GLYATL1: variants seen among roughly 807,000 people sequenced by gnomAD.
The protein encoded by GLYATL1 is glycine N-acyltransferase-like protein 1.
Under a neutral mutation model 20.0 loss-of-function variants are expected in GLYATL1, and 15 were observed. That is an observed-to-expected ratio of 0.75 (90% CI 0.50 to 1.15). The LOEUF (loss-of-function observed/expected upper bound fraction) is 1.15. GLYATL1 is among the 50% of genes most tolerant of loss of function. The pLI is 0.00. For synonymous variants in GLYATL1, 151 were observed against 131.5 expected, an observed-to-expected ratio of 1.15 and a Z score of -1.01; for missense variants, 380 against 368.5, an observed-to-expected ratio of 1.03 and a Z score of -0.26.
At chr11:58,940,393 A>C (rs1856053124) in intron 1 of GLYATL1, among the ~76,000 whole-genome samples, 2 of 152,226 alleles carry the variant, frequency 1.3e-5, no homozygotes, top group Admixed American at 1.3e-4. Flanking sequence ...CAATAGCTAG[A>C]GTTCCAAGGT....
intron 1 of GLYATL1, among the ~76,000 whole-genome samples, chr11:58,942,016 T>C: frequency 6.6e-6 from 1 of 152,242 alleles, no homozygotes. Context: ...TCATGAATGC[T>C]GACAGATAAC....
chr11:58,947,126 A>G lies in GLYATL1; in HGVS notation c.39A>G (p.Leu13=), dbSNP rs762622949. 1.2e-6 allele frequency: 2 copies of G among 1,613,816 alleles called. No homozygotes were observed. The highest frequency in any genetic ancestry group is 1.1e-5 in the South Asian group (1 of 91,082). The change falls in exon 3 of 7, where the codon CTA becomes CTG. Residue 13 remains leucine (L), a synonymous_variant. Transcript: ENST00000532726. The part of the protein sequence containing the change: ...LLNNSHKLLA[L]YKSLARSIPE... ...ATAACTCCCATAAGCTGCTGGCCCT[A>G]TACAAATCCTTGGCCAGGAGCATCC... is the stretch of plus-strand genomic sequence containing the variant.
chr11:58,917,772 G>C (rs1014210295), intron 1 of GLYATL1, among the ~76,000 whole-genome samples: 4 of 152,134 alleles, frequency 2.6e-5, no homozygotes, highest in African/African-American at 9.7e-5. Flanking sequence ...CATATCATGG[G>C]GGAAAGGAAA....
At chr11:58,934,424 TA>T (rs1160476613) in intron 1 of GLYATL1, 1 of 152,094 alleles carries the variant, frequency 6.6e-6, no homozygotes, top group East Asian at 1.9e-4. Context: ...GGGGCCAGTC[TA>T]AAGTTTGAGA....
At position 58,955,822 on chromosome 11, in the gene GLYATL1, T is replaced by C. The variant is rs1273516088; in HGVS notation, c.704T>C (p.Met235Thr). ...PSCEVGMAYS[M>T]EKYRRTGNMA... ...TGTGAAGTAGGAATGGCCTACAGCA[T>C]GGAAAAATACCGAAGGACAGGCAAC... The change falls in exon 7 of 7, where the codon ATG (methionine) becomes ACG (threonine). Residue 235 changes from methionine (M) to threonine (T), a missense_variant. Transcript: ENST00000532726. 21 of 1,614,036 alleles carry C rather than the reference T, an allele frequency of 1.3e-5. No individual in the cohort carries two copies. The highest frequency in any genetic ancestry group is 1.8e-5 in the Non-Finnish European group (21 of 1,180,034).
At chr11:58,934,634 A>C (rs547319), upstream of GLYATL1, 1 of 152,266 alleles carries the variant, frequency 6.6e-6, no homozygotes. Context: ...GCAGTACTAG[A>C]TACTGGGTCT....
chr11:58,955,533 A>G (rs569881543), intron 6 of GLYATL1, 77 bp from the exon 7 acceptor site: 1 of 1,494,658 alleles, frequency 6.7e-7, no homozygotes, highest in East Asian at 2.3e-5. Flanking sequence ...AGTTCCTGGG[A>G]TCTCTAGATT....
At chr11:58,943,692 C>T in intron 2 of GLYATL1, 26 bp downstream of exon 2, 1 of 1,609,558 alleles carries the variant, frequency 6.2e-7, no homozygotes, top group South Asian at 1.1e-5. Context: ...CATTTTGGAG[C>T]TTCACACGTT....
chr11:58,932,135 A>G (rs1855630245), intron 1 of GLYATL1, among the ~76,000 whole-genome samples: 4 of 141,586 alleles, frequency 2.8e-5, no homozygotes, highest in Non-Finnish European at 1.6e-5. Flanking sequence ...AAAAAAAAAG[A>G]CATAAACATT....
At chr11:58,922,970 T>G (rs1008630242), upstream of GLYATL1, among the ~76,000 whole-genome samples, 27 of 152,112 alleles carry the variant, frequency 1.8e-4, no homozygotes, top group African/African-American at 2.9e-4. Flanking sequence ...TCACAGAGAG[T>G]TCTTAACATC....
chr11:58,906,060 G>C (rs889049062), intron 1 of GLYATL1, among the ~76,000 whole-genome samples: 2 of 152,182 alleles, frequency 1.3e-5, no homozygotes, highest in Admixed American at 6.5e-5. Context: ...CCTGCGAATC[G>C]GGAGCAGCGG....
chr11:58,939,834 G>A (rs921587203), intron 1 of GLYATL1, among the ~76,000 whole-genome samples, 184 bp downstream of exon 1: 1 of 152,172 alleles, frequency 6.6e-6, no homozygotes, highest in African/African-American at 2.4e-5. Flanking sequence ...AGGCAAGTGA[G>A]TGTCTTTTGT....
chr11:58,944,724 T>C (rs181017637), intron 2 of GLYATL1, among the ~76,000 whole-genome samples: 1 of 152,276 alleles, frequency 6.6e-6, no homozygotes, highest in Non-Finnish European at 1.5e-5. Flanking sequence ...TGCTTTTCTG[T>C]AGTCTTCACA....
At chr11:58,933,537 A>G (rs576956027) in intron 1 of GLYATL1, 1 of 152,272 alleles carries the variant, frequency 6.6e-6, no homozygotes, top group South Asian at 2.1e-4. Context: ...GGGTTGTCTT[A>G]TAGCTCACCA....
At chr11:58,910,354 T>C (rs1855009907), downstream of GLYATL1, among the ~76,000 whole-genome samples, 1 of 152,218 alleles carries the variant, frequency 6.6e-6, no homozygotes, top group Admixed American at 6.5e-5. Context: ...TAAATATTAA[T>C]GATAAAATGC....
chr11:58,917,772 G>A (rs1014210295), intron 1 of GLYATL1, among the ~76,000 whole-genome samples: 1 of 152,134 alleles, frequency 6.6e-6, no homozygotes, highest in South Asian at 2.1e-4. Flanking sequence ...CATATCATGG[G>A]GGAAAGGAAA....
chr11:58,950,150 G>A (rs529549503), intron 4 of GLYATL1, among the ~76,000 whole-genome samples: 3 of 146,024 alleles, frequency 2.1e-5, no homozygotes, highest in African/African-American at 7.4e-5. Flanking sequence ...AATTAGCCGG[G>A]CGTGGTGGCG....
intron 1 of GLYATL1, chr11:58,927,860 C>T (rs1855467891): frequency 1.3e-5 from 2 of 152,128 alleles, no homozygotes; most frequent in African/African-American, 2.4e-5. Context: ...CTGTTAATTC[C>T]GCCTGGTGAT....
At chr11:58,907,285 C>G (rs1275425051) in exon 2 of GLYATL1, 5 of 456,174 alleles carry the variant, frequency 1.1e-5, no homozygotes, top group South Asian at 6.2e-5. Context: ...TCACCTTGGT[C>G]TCTCAGCTTT....
Sources: allele counts gnomAD v4.1 joint callset (sites outside exome capture counted in the v4.1 genomes callset), GRCh38; gene constraint gnomAD v4.1.1; transcripts MANE v1.5; gene names NCBI Gene and HGNC (gene_info 2026-07-23, HGNC 2026-07-21).